NFS1: variants seen among roughly 807,000 people sequenced by gnomAD.
The protein encoded by NFS1 is NFS1 cysteine desulfurase, also known as cysteine desulfurase.
NFS1 carries 26 observed loss-of-function variants against 57.3 expected under a neutral mutation model. The ratio of observed to expected loss-of-function variants is 0.45; its 90% CI spans 0.33 to 0.63. NFS1 has a LOEUF of 0.63. NFS1 is among the 20% of genes least tolerant of loss of function. NFS1 has a pLI of 0.02. For synonymous variants in NFS1, 209 were observed against 216.3 expected, an observed-to-expected ratio of 0.97 and a Z score of 0.30; for missense variants, 505 against 605.8, an observed-to-expected ratio of 0.83 and a Z score of 1.75.
rs201296047 is a variant in NFS1, at chr20:35,696,510, T to C, written c.325-50A>G. Reference sequence around the variant, plus strand: ...ATAACATCAGTTCCCCAGGCAGAAATAGAGCTGCAGACACAGGTGGGACAG... The same window carrying C: ...ATAACATCAGTTCCCCAGGCAGAAACAGAGCTGCAGACACAGGTGGGACAG... On this transcript the variant is annotated intron_variant, in intron 3 of 12. Transcript: ENST00000374092. 13 of 1,430,376 alleles carry C rather than the reference T, an allele frequency of 9.1e-6. No homozygotes were observed. In the East Asian group the frequency reaches 2.0e-4, roughly 22 times the overall value. The allele number at this position is 1,430,376 out of a possible 1,614,324, so 88.6% of individuals were successfully genotyped here.
At chr20:35,695,962 C>T (rs1478255744) in intron 4 of NFS1, among the ~76,000 whole-genome samples, 1 of 152,056 alleles carries the variant, frequency 6.6e-6, no homozygotes, top group Non-Finnish European at 1.5e-5. Flanking sequence ...ATCACTTGAA[C>T]CTGGGAGGTG....
At chr20:35,691,697 C>T (rs1331786369) in intron 4 of NFS1, among the ~76,000 whole-genome samples, 1 of 124,420 alleles carries the variant, frequency 8.0e-6, no homozygotes, top group Non-Finnish European at 1.6e-5. Flanking sequence ...GCCAAGAGTG[C>T]TATTGCACTC....
In NFS1 at chr20:35,699,163, G is replaced by T; in HGVS notation, c.97+29C>A. 2 of 1,387,518 alleles carry T rather than the reference G, an allele frequency of 1.4e-6. No individual in the cohort carries two copies. The highest frequency in any genetic ancestry group is 1.5e-5 in the African/African-American group (1 of 65,362). The allele number at this position is 1,387,518 out of a possible 1,614,324, so 86.0% of individuals were successfully genotyped here. On this transcript the variant is annotated intron_variant, in intron 1 of 12. Transcript: ENST00000374092. This position sits in a 1 kb window ranked among gnomAD's most constrained non-coding sequence, Gnocchi z 4.4. The stretch of plus-strand genomic sequence containing the variant: ...CGCCGCGCGGAGGGGACAGGTCCGC[G>T]CCTCCCGGAGAGCGGGACCCGAGCG...
chr20:35,691,507 G>A (rs1196077127), intron 4 of NFS1, among the ~76,000 whole-genome samples: 2 of 150,988 alleles, frequency 1.3e-5, no homozygotes, highest in Non-Finnish European at 2.9e-5. Flanking sequence ...TTGGGAGGCC[G>A]AGGCAGGTGG....
Position 35,690,396 on chromosome 20 carries a change from C to A in NFS1, c.561+17G>T. On this transcript the variant is annotated intron_variant, in intron 5 of 12. Transcript: ENST00000374092. ...GGCTCCTCCATTTTTGCTCCTCCTG[C>A]CAATAGCCACTCCTACCTTTAGGTC... The A allele has an allele frequency of 6.2e-7, 1 of 1,608,368 alleles. No homozygotes were observed. Among genetic ancestry groups the A allele is most frequent in the Non-Finnish European group, 8.5e-7 (1 of 1,178,304 alleles).
chr20:35,669,482 G>A lies in NFS1; in HGVS notation c.*140C>T, dbSNP rs2034617405. On this transcript the variant is annotated 3_prime_UTR_variant, in exon 13 of 13. Transcript: ENST00000374092. Reference sequence around the variant, plus strand: ...GGAAAGACAGTTTTCTTGTGTTTCTGTCATAGAGGTGGACTGATGCTGAAG... The same window carrying A: ...GGAAAGACAGTTTTCTTGTGTTTCTATCATAGAGGTGGACTGATGCTGAAG... 3 of 715,618 alleles carry A rather than the reference G, an allele frequency of 4.2e-6. No homozygotes were observed. In the South Asian group the frequency reaches 5.2e-5, roughly 13 times the overall value. The allele number at this position is 715,618 out of a possible 1,614,324, so 44.3% of individuals were successfully genotyped here. A position where few individuals can be genotyped will look rare whatever the true frequency, so the allele number is the denominator to read the frequency against.
chr20:35,697,605 A>C, intron 3 of NFS1, 79 bp downstream of exon 3: 1 of 892,832 alleles, frequency 1.1e-6, no homozygotes, highest in Non-Finnish European at 1.7e-6. Flanking sequence ...CTCCATGCAC[A>C]CCTACCAAGA....
intron 5 of NFS1, among the ~76,000 whole-genome samples, chr20:35,682,344 C>T (rs6060557): frequency 0.1 from 15,549 of 152,184 alleles, 829 homozygotes; most frequent in South Asian, 0.14. Flanking sequence ...TAACTTTATT[C>T]GTAATACCAA....
chr20:35,680,659 C>T, intron 7 of NFS1, 78 bp downstream of exon 7: 4 of 1,281,168 alleles, frequency 3.1e-6, no homozygotes, highest in Non-Finnish European at 3.1e-6. Context: ...AACAGTAGTC[C>T]CAAATGACTG....
intron 5 of NFS1, among the ~76,000 whole-genome samples, 159 bp downstream of exon 5, chr20:35,690,254 G>A (rs1254435726): frequency 6.6e-6 from 1 of 152,156 alleles, no homozygotes; most frequent in African/African-American, 2.4e-5. Flanking sequence ...ACACACTCAA[G>A]GGGAACATGA....
rs2034721059 is a variant in NFS1 at position 35,675,184 on chromosome 20, A to C, written c.809T>G (p.Ile270Ser). The C allele has an allele frequency of 6.2e-7, 1 of 1,613,024 alleles. No homozygotes were observed. Among genetic ancestry groups the C allele is most frequent in the Non-Finnish European group, 8.5e-7 (1 of 1,179,560 alleles). ...YGPKGVGAIY[I>S]RRRPRVRVEA... ...CACACGCACACGGGGCCGGCGACGG[A>C]TGTAGATGGCACCAACCCCTGGGAA... The change falls in exon 8 of 13, where the codon ATC (isoleucine) becomes AGC (serine). Residue 270 changes from isoleucine (I) to serine (S), a missense_variant. By Grantham distance (142) the Ile-to-Ser change is moderately radical. Transcript: ENST00000374092.
At chr20:35,679,756 A>G (rs1450792243) in intron 7 of NFS1, among the ~76,000 whole-genome samples, 1 of 152,142 alleles carries the variant, frequency 6.6e-6, no homozygotes, top group Non-Finnish European at 1.5e-5. Flanking sequence ...CACCCAGATA[A>G]CACACCCTGC....
At position 35,690,043 on chromosome 20, in the gene NFS1, G is replaced by A. The variant is rs373153450; in HGVS notation, c.561+370C>T. Among the ~76,000 whole-genome samples, 47 of 151,984 alleles carry A rather than the reference G, an allele frequency of 3.1e-4. No individual in the cohort carries two copies. In the East Asian group the frequency reaches 7.9e-3, roughly 26 times the overall value. On this transcript the variant is annotated intron_variant, in intron 5 of 12. Transcript: ENST00000374092. ...GAACCCAGGAGGCGGAGGTTGCAGT[G>A]AGCCGAGATCGCGCCACTGCATTCC...
In NFS1 at chr20:35,680,736, C is replaced by A; in HGVS notation, c.790+1G>T. On this transcript the variant is annotated splice_donor_variant, in intron 7 of 12. Coordinates refer to ENST00000374092, the MANE Select transcript of NFS1 (RefSeq NM_021100.5). LOFTEE classifies it high-confidence loss of function. ...GAAGGAACTCTAGAAGGGGCTGGTA[C>A]CTTTGGGACCGTAGATTTTGTGACC... 1.3e-6 allele frequency: 2 copies of A among 1,534,206 alleles called. No individual in the cohort carries two copies. Among genetic ancestry groups the A allele is most frequent in the South Asian group, 1.3e-5 (1 of 77,174 alleles).
At chr20:35,688,511 C>T (rs925119898) in intron 5 of NFS1, among the ~76,000 whole-genome samples, 53 of 152,006 alleles carry the variant, frequency 3.5e-4, no homozygotes, top group Admixed American at 3.4e-3. Flanking sequence ...GAGCCAAGAT[C>T]GTGCCACTGC....
intron 6 of NFS1, among the ~76,000 whole-genome samples, chr20:35,681,136 T>C (rs1340992621): frequency 6.6e-6 from 1 of 152,042 alleles, no homozygotes; most frequent in Non-Finnish European, 1.5e-5. Context: ...GTGATATTCT[T>C]ATGCATACAA....
At chr20:35,676,577 T>A (rs1394595266) in intron 7 of NFS1, among the ~76,000 whole-genome samples, 2 of 149,576 alleles carry the variant, frequency 1.3e-5, no homozygotes, top group Non-Finnish European at 3.0e-5. Context: ...AGAGCAAGAC[T>A]CTGTCTAAAA....
At chr20:35,682,789 AAAAG>A (rs746339312) in intron 5 of NFS1, 5 of 149,742 alleles carry the variant, frequency 3.3e-5, no homozygotes, top group Admixed American at 6.7e-5. Flanking sequence ...CAAAAAAAAA[AAAAG>A]AAAGGCCAGG....
intron 5 of NFS1, among the ~76,000 whole-genome samples, chr20:35,683,407 G>A (rs977393200): frequency 5.3e-5 from 8 of 151,456 alleles, no homozygotes; most frequent in African/African-American, 2.0e-4. Flanking sequence ...GCTTGAACCC[G>A]GGGGGCAGAG....
Sources: gnomAD v4.1 joint callset for allele counts (sites outside exome capture counted in the v4.1 genomes callset) on GRCh38, gnomAD v4.1.1 for gene constraint, Gnocchi (gnomAD v3.1) non-coding constraint, MANE v1.5 for transcripts, NCBI Gene and HGNC (gene_info 2026-07-23, HGNC 2026-07-21) for gene names.